Variants in PTN observed in about 807,000 individuals in gnomAD.
PTN encodes heparin affin regulatory protein.
PTN carries 18 observed loss-of-function variants against 24.1 expected under a neutral mutation model. The observed-to-expected ratio is 0.75, with a 90% CI of 0.52 to 1.11. The LOEUF (loss-of-function observed/expected upper bound fraction) is 1.11, where lower values mean the gene tolerates loss of function less well. PTN is among the 50% of genes least tolerant of loss of function. PTN has a pLI of 0.00. For missense variants in PTN, 163 were observed against 198.8 expected (o/e 0.82, Z 1.08); for synonymous variants, 78 against 68.6 (o/e 1.14, Z -0.67).
chr7:137,276,461 C>T (rs986974169), intron 1 of PTN, among the ~76,000 whole-genome samples: 1 of 152,082 alleles, frequency 6.6e-6, no homozygotes, highest in Non-Finnish European at 1.5e-5. Flanking sequence ...TTGGAAATTC[C>T]GGTTACCCCT....
chr7:137,259,654 T>A (rs1808998851), intron 1 of PTN, among the ~76,000 whole-genome samples: 1 of 151,436 alleles, frequency 6.6e-6, no homozygotes, highest in African/African-American at 2.4e-5. Flanking sequence ...TTTTATCTAG[T>A]ATTATCCAAA....
intron 1 of PTN, among the ~76,000 whole-genome samples, chr7:137,293,096 A>C (rs974009617): frequency 6.6e-6 from 1 of 152,158 alleles, no homozygotes; most frequent in Non-Finnish European, 1.5e-5. Context: ...TTCTTATCAA[A>C]ATGTAATAAG....
At chr7:137,298,285 TTTTTC>T (rs1303706777) in intron 1 of PTN, among the ~76,000 whole-genome samples, 2 of 152,042 alleles carry the variant, frequency 1.3e-5, no homozygotes, top group Non-Finnish European at 2.9e-5. Context: ...TTAGATTTTC[TTTTTC>T]TTTTAACTTA....
intron 4 of PTN, among the ~76,000 whole-genome samples, chr7:137,236,763 T>C: frequency 6.6e-6 from 1 of 152,282 alleles, no homozygotes; most frequent in African/African-American, 2.4e-5. Flanking sequence ...AAAATTTGCC[T>C]TATTATAAAC....
At chr7:137,244,085 C>A (rs1748323080) in intron 4 of PTN, among the ~76,000 whole-genome samples, 1 of 151,952 alleles carries the variant, frequency 6.6e-6, no homozygotes, top group Non-Finnish European at 1.5e-5. Flanking sequence ...TTTAATTAAT[C>A]TATATTAATT....
chr7:137,304,192 C>CT (rs1809850665), intron 1 of PTN, among the ~76,000 whole-genome samples: 1 of 152,160 alleles, frequency 6.6e-6, no homozygotes, highest in Admixed American at 6.6e-5. Flanking sequence ...TCTTTCCCTT[C>CT]TTTTTTCTCC....
intron 1 of PTN, among the ~76,000 whole-genome samples, chr7:137,332,410 T>C (rs1177878398): frequency 1.3e-5 from 2 of 152,180 alleles, no homozygotes; most frequent in Non-Finnish European, 2.9e-5. Context: ...TTTCATTATT[T>C]TTCACATGGT....
intron 4 of PTN, among the ~76,000 whole-genome samples, chr7:137,241,512 G>A (rs1001280543): frequency 2.6e-5 from 4 of 152,050 alleles, no homozygotes; most frequent in Non-Finnish European, 5.9e-5. Flanking sequence ...AAATTCATTT[G>A]GAAGAAAGGA....
chr7:137,268,326 C>T (rs529949001), intron 1 of PTN, among the ~76,000 whole-genome samples: 3 of 152,120 alleles, frequency 2.0e-5, no homozygotes, highest in Non-Finnish European at 2.9e-5. Flanking sequence ...TTACTCACCT[C>T]GCTTGCCGGT....
In PTN at chr7:137,262,484, T is replaced by G. The variant is rs375889687; in HGVS notation, c.-1-7510A>C. Among the ~76,000 whole-genome samples the G allele has an allele frequency of 3.3e-5, 5 of 152,302 alleles. 1 individual carries two copies. The highest frequency in any genetic ancestry group is 1.2e-4 in the African/African-American group (5 of 41,560). On this transcript the variant is annotated intron_variant, in intron 1 of 4. Transcript: ENST00000348225. ...TTTATATTGTTTTCTTAGTGTTTTC[T>G]AACTCATTTTGAAACAGTAGGTTAC...
At chr7:137,235,937 G>A (rs945139250) in intron 4 of PTN, among the ~76,000 whole-genome samples, 3 of 152,062 alleles carry the variant, frequency 2.0e-5, no homozygotes, top group Non-Finnish European at 4.4e-5. Flanking sequence ...ACAATTTCAG[G>A]AACCTGTTTT....
chr7:137,262,616 G>C (rs770251109), intron 1 of PTN, among the ~76,000 whole-genome samples: 2 of 151,974 alleles, frequency 1.3e-5, no homozygotes, highest in Non-Finnish European at 2.9e-5. Context: ...TAAAATCCGA[G>C]CTCCTCAGGT....
chr7:137,339,321 T>A (rs1038750850), intron 1 of PTN, among the ~76,000 whole-genome samples: 43 of 152,190 alleles, frequency 2.8e-4, no homozygotes, highest in African/African-American at 1.0e-3. Flanking sequence ...GTTCTATTTC[T>A]TAAACATGCT....
intron 1 of PTN, among the ~76,000 whole-genome samples, chr7:137,267,352 C>T (rs1226331034): frequency 6.6e-6 from 1 of 151,548 alleles, no homozygotes; most frequent in Non-Finnish European, 1.5e-5. Context: ...CTGGTCTTTC[C>T]TTGCCTCTGC....
At chr7:137,328,952 TACTC>T in intron 1 of PTN, among the ~76,000 whole-genome samples, 1 of 152,276 alleles carries the variant, frequency 6.6e-6, no homozygotes, top group Middle Eastern at 3.4e-3. Flanking sequence ...TATCTTCAAA[TACTC>T]ACTGGACCCT....
intron 1 of PTN, among the ~76,000 whole-genome samples, chr7:137,312,203 T>C (rs920332721): frequency 2.0e-5 from 3 of 152,222 alleles, no homozygotes; most frequent in African/African-American, 7.2e-5. Flanking sequence ...GCAAAGCCAA[T>C]TTTTTAATTA....
intron 1 of PTN, among the ~76,000 whole-genome samples, chr7:137,287,374 C>A (rs539044342): frequency 6.6e-6 from 1 of 152,034 alleles, no homozygotes; most frequent in Admixed American, 6.5e-5. Context: ...TAAAGCTTGT[C>A]GGCTATTGTT....
chr7:137,305,891 G>A (rs996763790), intron 1 of PTN, among the ~76,000 whole-genome samples: 5 of 152,054 alleles, frequency 3.3e-5, no homozygotes, highest in African/African-American at 9.7e-5. Flanking sequence ...AGAATAATCA[G>A]AGATTCTATC....
intron 4 of PTN, among the ~76,000 whole-genome samples, chr7:137,234,679 A>C (rs1808488673): frequency 6.6e-6 from 1 of 152,108 alleles, no homozygotes; most frequent in South Asian, 2.1e-4. Flanking sequence ...AAAGACCTTA[A>C]GGGGACATGT....
Sources: gnomAD v4.1 joint callset for allele counts (sites outside exome capture counted in the v4.1 genomes callset) on GRCh38, gnomAD v4.1.1 for gene constraint, MANE v1.5 for transcripts, NCBI Gene and HGNC (gene_info 2026-07-23, HGNC 2026-07-21) for gene names.